Variants in ZYG11B observed in about 807,000 individuals in gnomAD.
ZYG11B encodes protein zyg-11 homolog B.
In ZYG11B, 36 loss-of-function variants were observed where a neutral mutation model predicts 82.4. That is an observed-to-expected ratio of 0.44 (90% CI 0.33 to 0.58). ZYG11B has a LOEUF of 0.58. Among genes scored for constraint, ZYG11B ranks in the 20% least tolerant of loss-of-function variants. The pLI, the probability that ZYG11B is intolerant of heterozygous loss-of-function variation, is 0.02. For missense variants in ZYG11B, 552 were observed against 895.6 expected, an observed-to-expected ratio of 0.62 and a Z score of 4.90; for synonymous variants, 303 against 312.8, an observed-to-expected ratio of 0.97 and a Z score of 0.33.
intron 12 of ZYG11B, among the ~76,000 whole-genome samples, chr1:52,814,769 A>G (rs1180623083): frequency 6.6e-6 from 1 of 152,206 alleles, no homozygotes; most frequent in East Asian, 1.9e-4. Flanking sequence ...GAGTGTTGAA[A>G]GATAAGGAGA....
At chr1:52,747,620 T>C (rs1644488379) in intron 1 of ZYG11B, among the ~76,000 whole-genome samples, 1 of 152,062 alleles carries the variant, frequency 6.6e-6, no homozygotes, top group African/African-American at 2.4e-5. Context: ...AATCAGGGAC[T>C]GCATGTGGTT....
chr1:52,785,114 A>C (rs1644902412), intron 5 of ZYG11B, 61 bp downstream of exon 5: 2 of 1,535,634 alleles, frequency 1.3e-6, no homozygotes, highest in Non-Finnish European at 1.8e-6. Flanking sequence ...CATCTCCTAC[A>C]GTTCAGTTTA....
intron 2 of ZYG11B, among the ~76,000 whole-genome samples, chr1:52,758,928 A>T (rs1644603157): frequency 6.6e-6 from 1 of 151,802 alleles, no homozygotes; most frequent in East Asian, 1.9e-4. Context: ...TATGCTCAGT[A>T]TATTATTATT....
In ZYG11B at chr1:52,784,873, C is replaced by T. The variant is rs1644900310; in HGVS notation, c.1093-4C>T. 6 of 1,596,868 alleles carry T rather than the reference C, an allele frequency of 3.8e-6. No homozygotes were observed. In the Admixed American group the frequency reaches 7.3e-5, roughly 20 times the overall value. ...AATTAAGAGGACTAATTTTTTTTTT[C>T]CAGCTTGTGGTTACTGGGATGAGAA... On this transcript the variant is annotated splice_region_variant and splice_polypyrimidine_tract_variant and intron_variant, in intron 4 of 13. Transcript: ENST00000294353.
At chr1:52,776,052 C>T (rs1438407190) in intron 3 of ZYG11B, among the ~76,000 whole-genome samples, 6 of 148,428 alleles carry the variant, frequency 4.0e-5, no homozygotes, top group African/African-American at 1.5e-4. Flanking sequence ...CCCGCCTCTA[C>T]TAAAAATCCC....
intron 1 of ZYG11B, among the ~76,000 whole-genome samples, chr1:52,753,405 GGTTGTT>G (rs1160907176): frequency 1.4e-5 from 2 of 147,802 alleles, no homozygotes; most frequent in African/African-American, 2.5e-5. Flanking sequence ...TTCTTCTTCT[GGTTGTT>G]GTTGTTGTTG....
At chr1:52,757,469 A>C (rs1409588403) in intron 2 of ZYG11B, among the ~76,000 whole-genome samples, 1 of 151,932 alleles carries the variant, frequency 6.6e-6, no homozygotes, top group Non-Finnish European at 1.5e-5. Flanking sequence ...TGAGGTCAGG[A>C]GTTCGAGACC....
At chr1:52,805,491 A>G (rs1274173688) in intron 10 of ZYG11B, 1 of 455,970 alleles carries the variant, frequency 2.2e-6, no homozygotes, top group Non-Finnish European at 4.4e-6. Context: ...ATTATTTGAT[A>G]CAGAAGTTGG....
At chr1:52,727,592 A>T (rs1644296687) in intron 1 of ZYG11B, among the ~76,000 whole-genome samples, 1 of 152,222 alleles carries the variant, frequency 6.6e-6, no homozygotes, top group Non-Finnish European at 1.5e-5. Flanking sequence ...TACTAAAAAC[A>T]AATGATTTGT....
chr1:52,749,596 A>AT (rs922480428), intron 1 of ZYG11B, among the ~76,000 whole-genome samples: 6 of 151,372 alleles, frequency 4.0e-5, no homozygotes, highest in Admixed American at 6.6e-5. Context: ...TGTGGGGTTT[A>AT]TTTTTTTTTA....
chr1:52,748,860 C>A (rs1370756829), intron 1 of ZYG11B, among the ~76,000 whole-genome samples: 1 of 146,282 alleles, frequency 6.8e-6, no homozygotes, highest in East Asian at 2.0e-4. Context: ...CAAGATCACA[C>A]CACTGCACTC....
In ZYG11B at chr1:52,771,650, G is replaced by A; in HGVS notation, c.827G>A (p.Arg276Lys). ...CTTGTTTCTCTGGATGTTTCTGGGA[G>A]AAAGCACGTGACAGATAAAGCCGTT... ...PNLVSLDVSG[R>K]KHVTDKAVEA... The change falls in exon 3 of 14, where the codon AGA becomes AAA. Residue 276 changes from arginine to lysine, a missense_variant. Arg to Lys is a conservative substitution (Grantham distance 26). Transcript: ENST00000294353. This position sits in a 1 kb window ranked among gnomAD's most constrained non-coding sequence, Gnocchi z 5.4. 2 of 1,614,184 alleles carry A rather than the reference G, an allele frequency of 1.2e-6. No homozygotes were observed. Among genetic ancestry groups the A allele is most frequent in the Non-Finnish European group, 1.7e-6 (2 of 1,180,036 alleles).
chr1:52,745,627 C>T (rs1202341863), intron 1 of ZYG11B, among the ~76,000 whole-genome samples: 10 of 151,750 alleles, frequency 6.6e-5, no homozygotes, highest in South Asian at 6.3e-4. Flanking sequence ...TGCAGTGGCG[C>T]GATCTTGGCT....
intron 6 of ZYG11B, among the ~76,000 whole-genome samples, chr1:52,793,338 G>C (rs1335408240): frequency 6.6e-6 from 1 of 151,872 alleles, no homozygotes; most frequent in Non-Finnish European, 1.5e-5. Flanking sequence ...GTGAAACGCT[G>C]TCTCTACTAA....
In ZYG11B at chr1:52,803,099, CATATAT is replaced by C. The variant is rs1165271089; in HGVS notation, c.1695+974_1695+979del. Among the ~76,000 whole-genome samples the C allele has an allele frequency of 4.0e-3, 43 of 10,794 alleles. 1 individual carries two copies. The highest frequency in any genetic ancestry group is 0.012 in the African/African-American group (39 of 3,286). 7.1% of individuals were successfully genotyped at this position (10,794 alleles called of 152,430 possible). A position where few individuals can be genotyped will look rare whatever the true frequency, so the allele number is the denominator to read the frequency against. ...ATATATATATACACATATATATATA[CATATAT>C]ATATATATATATACACACATATATA... On this transcript the variant is annotated intron_variant, in intron 10 of 13. Coordinates refer to ENST00000294353, the MANE Select transcript of ZYG11B (RefSeq NM_024646.3).
At chr1:52,803,987 C>G (rs377048446) in intron 10 of ZYG11B, among the ~76,000 whole-genome samples, 1 of 152,070 alleles carries the variant, frequency 6.6e-6, no homozygotes, top group African/African-American at 2.4e-5. Context: ...TGCCTGTAAT[C>G]CCAACACTTT....
chr1:52,805,407 C>T, intron 10 of ZYG11B: 1 of 448,562 alleles, frequency 2.2e-6, no homozygotes, highest in Non-Finnish European at 4.5e-6. Flanking sequence ...AAATGGAAAA[C>T]AACCTAAATG....
intron 1 of ZYG11B, among the ~76,000 whole-genome samples, chr1:52,727,406 G>A (rs929797487): frequency 3.3e-5 from 5 of 152,178 alleles, no homozygotes; most frequent in Admixed American, 3.3e-4. Flanking sequence ...AAGTGGTGGT[G>A]TGTTACAGAG....
chr1:52,726,575 C>T lies in ZYG11B; in HGVS notation c.-79C>T. 3.1e-6 allele frequency: 4 copies of T among 1,303,830 alleles called. No homozygotes were observed. Among genetic ancestry groups the T allele is most frequent in the Non-Finnish European group, 3.9e-6 (4 of 1,022,246 alleles). The allele number at this position is 1,303,830 out of a possible 1,614,324, so 80.8% of individuals were successfully genotyped here. ...AGCCCGGAGCCGCCGCTCGCCGGAG[C>T]CTCCTGGAGCCTCCGCGCCGGCTCA... On this transcript the variant is annotated 5_prime_UTR_variant, in exon 1 of 14. Coordinates refer to ENST00000294353, the MANE Select transcript of ZYG11B (RefSeq NM_024646.3).
Sources: gnomAD v4.1 joint callset for allele counts (sites outside exome capture counted in the v4.1 genomes callset) on GRCh38, gnomAD v4.1.1 for gene constraint, Gnocchi (gnomAD v3.1) non-coding constraint, MANE v1.5 for transcripts, NCBI Gene and HGNC (gene_info 2026-07-23, HGNC 2026-07-21) for gene names.